CTNNA3: variants seen among roughly 807,000 people sequenced by gnomAD.
CTNNA3 encodes catenin alpha-3.
Under a neutral mutation model 95.7 loss-of-function variants are expected in CTNNA3, and 76 were observed. The observed-to-expected ratio is 0.79, with a 90% CI of 0.66 to 0.96. The LOEUF (loss-of-function observed/expected upper bound fraction) is 0.96. Among genes scored for constraint, CTNNA3 ranks in the 40% least tolerant of loss-of-function variants. The pLI, the probability that CTNNA3 is intolerant of heterozygous loss-of-function variation, is 0.00. For synonymous variants in CTNNA3, 431 were observed against 374.4 expected (o/e 1.15, Z -1.74); for missense variants, 1,191 against 1,089.8 (o/e 1.09, Z -1.31).
chr10:66,311,138 A>G (rs2092015708), intron 12 of CTNNA3, among the ~76,000 whole-genome samples: 1 of 152,246 alleles, frequency 6.6e-6, no homozygotes, highest in Admixed American at 6.5e-5. Flanking sequence ...CTTGAGGCAT[A>G]TATATCCAAA....
At chr10:67,696,429 G>C (rs771235023), upstream of CTNNA3, among the ~76,000 whole-genome samples, 1 of 152,172 alleles carries the variant, frequency 6.6e-6, no homozygotes, top group Non-Finnish European at 1.5e-5. Context: ...AGTGAAAAAT[G>C]ATAAAGCAGG....
intron 3 of CTNNA3, among the ~76,000 whole-genome samples, chr10:67,563,442 T>G (rs528358901): frequency 1.3e-5 from 2 of 152,196 alleles, no homozygotes; most frequent in African/African-American, 2.4e-5. Context: ...TAGCCATATG[T>G]AGAAAGCTAA....
intron 9 of CTNNA3, among the ~76,000 whole-genome samples, chr10:66,727,469 C>A (rs1848816123): frequency 6.6e-6 from 1 of 152,078 alleles, no homozygotes; most frequent in African/African-American, 2.4e-5. Context: ...ACAAGAACAT[C>A]TTTCTTTGCC....
chr10:67,085,124 C>G (rs1488516426), intron 7 of CTNNA3, among the ~76,000 whole-genome samples: 1 of 151,756 alleles, frequency 6.6e-6, no homozygotes, highest in Non-Finnish European at 1.5e-5. Context: ...GAGTGAAAAG[C>G]AAATAATTAC....
chr10:66,610,575 A>T (rs10997259), intron 10 of CTNNA3, among the ~76,000 whole-genome samples: 2 of 151,918 alleles, frequency 1.3e-5, no homozygotes, highest in African/African-American at 4.8e-5. Flanking sequence ...TCAAACCCCA[A>T]TGAGATACAA....
At chr10:66,881,993 C>G (rs1006111890) in intron 7 of CTNNA3, among the ~76,000 whole-genome samples, 40 of 152,064 alleles carry the variant, frequency 2.6e-4, no homozygotes, top group Admixed American at 2.3e-3. Context: ...AAATGACCTT[C>G]TCGAGTTGTG....
chr10:66,158,086 T>C (rs1357406316), intron 13 of CTNNA3, among the ~76,000 whole-genome samples: 1 of 152,066 alleles, frequency 6.6e-6, no homozygotes. Flanking sequence ...GTACAGATTG[T>C]GAAGATTTTC....
chr10:67,158,997 A>T (rs1861424198), intron 7 of CTNNA3, among the ~76,000 whole-genome samples: 1 of 152,194 alleles, frequency 6.6e-6, no homozygotes, highest in Non-Finnish European at 1.5e-5. Context: ...AGGAAGTAAA[A>T]CCAAAGACAG....
intron 13 of CTNNA3, among the ~76,000 whole-genome samples, chr10:66,120,824 C>G (rs998613478): frequency 2.6e-5 from 4 of 151,832 alleles, no homozygotes; most frequent in African/African-American, 9.7e-5. Context: ...CATGTATAGG[C>G]AAAAAGGAAA....
At chr10:66,512,719 T>C (rs951313471) in intron 11 of CTNNA3, among the ~76,000 whole-genome samples, 1 of 152,122 alleles carries the variant, frequency 6.6e-6, no homozygotes, top group Non-Finnish European at 1.5e-5. Context: ...AGTCTTTGTA[T>C]GTCTGGGAAA....
intron 12 of CTNNA3, among the ~76,000 whole-genome samples, chr10:66,351,940 C>T (rs2092569982): frequency 6.6e-6 from 1 of 151,788 alleles, no homozygotes; most frequent in African/African-American, 2.4e-5. Flanking sequence ...TCACATGCAT[C>T]CAAACTTTAA....
At chr10:66,631,994 A>G (rs1845153072) in intron 9 of CTNNA3, among the ~76,000 whole-genome samples, 1 of 131,946 alleles carries the variant, frequency 7.6e-6, no homozygotes. Flanking sequence ...TAAATTTCAT[A>G]GCAGTATATA....
intron 7 of CTNNA3, among the ~76,000 whole-genome samples, chr10:66,988,480 G>T (rs1011423271): frequency 2.0e-5 from 3 of 152,104 alleles, no homozygotes; most frequent in East Asian, 1.9e-4. Context: ...CTTACTGAGT[G>T]GAAAAGCTCC....
chr10:67,174,682 C>A (rs1170990754), intron 7 of CTNNA3, among the ~76,000 whole-genome samples: 1 of 152,152 alleles, frequency 6.6e-6, no homozygotes, highest in Admixed American at 6.5e-5. Flanking sequence ...TTAACCAGAT[C>A]CCCACTATTT....
intron 9 of CTNNA3, among the ~76,000 whole-genome samples, chr10:66,627,696 T>C (rs1844987338): frequency 6.6e-6 from 1 of 152,106 alleles, no homozygotes; most frequent in South Asian, 2.1e-4. Context: ...AGCCTGCATG[T>C]CCTAGTGTTA....
intron 7 of CTNNA3, among the ~76,000 whole-genome samples, chr10:67,093,094 G>T (rs1226146099): frequency 1.3e-5 from 2 of 151,914 alleles, no homozygotes; most frequent in Non-Finnish European, 2.9e-5. Flanking sequence ...TGATAAACAG[G>T]AGTTTAGCAG....
chr10:66,609,092 C>G (rs1844236265), intron 10 of CTNNA3, among the ~76,000 whole-genome samples: 1 of 151,648 alleles, frequency 6.6e-6, no homozygotes, highest in Admixed American at 6.6e-5. Context: ...CAGAGTCTCA[C>G]TGTGTCGCCC....
At chr10:66,328,410 G>C (rs2092282815) in intron 12 of CTNNA3, among the ~76,000 whole-genome samples, 1 of 151,980 alleles carries the variant, frequency 6.6e-6, no homozygotes, top group African/African-American at 2.4e-5. Context: ...TGAGCATGCT[G>C]AAGGGTACCT....
chr10:66,544,331 C>T (rs533304034), intron 10 of CTNNA3, among the ~76,000 whole-genome samples: 23 of 151,948 alleles, frequency 1.5e-4, no homozygotes, highest in Non-Finnish European at 1.6e-4. Flanking sequence ...TAATGTTGAA[C>T]ACATCCTAAA....
Sources: allele counts gnomAD v4.1 joint callset (sites outside exome capture counted in the v4.1 genomes callset), GRCh38; gene constraint gnomAD v4.1.1; transcripts MANE v1.5; gene names NCBI Gene and HGNC (gene_info 2026-07-23, HGNC 2026-07-21).